TMTC4: variants seen among roughly 807,000 people sequenced by gnomAD.
TMTC4 encodes transmembrane O-mannosyltransferase targeting cadherins 4, also known as protein O-mannosyl-transferase TMTC4.
TMTC4 carries 65 observed loss-of-function variants against 86.0 expected under a neutral mutation model. The observed-to-expected ratio is 0.76, with a 90% CI of 0.62 to 0.93. The LOEUF is 0.93. Among genes scored for constraint, TMTC4 ranks in the 40% least tolerant of loss-of-function variants. The probability of loss-of-function intolerance (pLI) is 0.00; values close to 1 mark genes in which losing one functional copy is unlikely to be tolerated. For synonymous variants in TMTC4, 379 were observed against 382.5 expected (o/e 0.99, Z 0.11); for missense variants, 866 against 948.1 (o/e 0.91, Z 1.14).
chr13:100,655,057 T>G (rs895396116), intron 6 of TMTC4, among the ~76,000 whole-genome samples: 1 of 143,274 alleles, frequency 7.0e-6, no homozygotes, highest in South Asian at 2.2e-4. Context: ...AGTGTCACTC[T>G]GTCACCCAGG....
rs1276404402 is a variant in TMTC4 at position 100,625,531 on chromosome 13, T to G, written c.1836+4A>C. 6.2e-7 allele frequency: 1 copy of G among 1,613,648 alleles called. No individual in the cohort carries two copies. The highest frequency in any genetic ancestry group is 8.5e-7 in the Non-Finnish European group (1 of 1,180,060). On this transcript the variant is annotated splice_donor_region_variant and intron_variant, in intron 15 of 18. Coordinates refer to ENST00000342624, the MANE Select transcript of TMTC4 (RefSeq NM_032813.5). The stretch of plus-strand genomic sequence containing the variant: ...TCCACAGGCACAGGGCACCCCGCGC[T>G]TACCAGACGCCCGAGGTTGTAGTAA...
chr13:100,669,129 T>G (rs1886756937), intron 2 of TMTC4, among the ~76,000 whole-genome samples: 1 of 151,438 alleles, frequency 6.6e-6, no homozygotes, highest in Admixed American at 6.6e-5. Context: ...TTACAAAGCT[T>G]AAAAAAAAAG....
At chr13:100,657,617 T>G (rs1223601040) in intron 5 of TMTC4, among the ~76,000 whole-genome samples, 2 of 152,210 alleles carry the variant, frequency 1.3e-5, no homozygotes, top group Non-Finnish European at 2.9e-5. Flanking sequence ...GAATGTGACA[T>G]GAACCAAAGC....
intron 17 of TMTC4, among the ~76,000 whole-genome samples, chr13:100,608,439 C>T (rs976936243): frequency 2.0e-5 from 3 of 152,154 alleles, no homozygotes; most frequent in Non-Finnish European, 4.4e-5. Flanking sequence ...TCAAGATTTC[C>T]AAGCCAGGGC....
chr13:100,611,517 G>A (rs566176342), intron 17 of TMTC4, among the ~76,000 whole-genome samples: 4 of 152,246 alleles, frequency 2.6e-5, no homozygotes, highest in Admixed American at 6.5e-5. Flanking sequence ...CCCGGGAGGC[G>A]GAGCTTGCAG....
chr13:100,631,438 TCA>T (rs1433860880), intron 12 of TMTC4, among the ~76,000 whole-genome samples: 2 of 152,242 alleles, frequency 1.3e-5, no homozygotes, highest in African/African-American at 4.8e-5. Context: ...TAGAATTGTA[TCA>T]CAGAGTTGAT....
At chr13:100,623,571 T>C (rs918290235) in intron 15 of TMTC4, among the ~76,000 whole-genome samples, 4 of 151,974 alleles carry the variant, frequency 2.6e-5, no homozygotes, top group Non-Finnish European at 2.9e-5. Flanking sequence ...TATAGAGCCC[T>C]TGATTCCCTA....
intron 16 of TMTC4, among the ~76,000 whole-genome samples, chr13:100,613,515 C>T (rs1003309768): frequency 2.0e-5 from 3 of 151,994 alleles, no homozygotes; most frequent in African/African-American, 7.2e-5. Context: ...GAGGGGGCTC[C>T]TTTGAGTGAA....
At chr13:100,660,657 A>ATTT (rs35020533) in intron 5 of TMTC4, among the ~76,000 whole-genome samples, 4,337 of 139,982 alleles carry the variant, frequency 0.031, 102 homozygotes, top group Non-Finnish European at 0.047. Context: ...TTAAAGCTGG[A>ATTT]TTTTTTTTTT....
chr13:100,643,423 C>T (rs1032492238), intron 6 of TMTC4, among the ~76,000 whole-genome samples: 1 of 152,180 alleles, frequency 6.6e-6, no homozygotes, highest in Non-Finnish European at 1.5e-5. Context: ...TCACCTATAA[C>T]GTGGGGGCAA....
intron 15 of TMTC4, among the ~76,000 whole-genome samples, chr13:100,618,100 G>T (rs560542876): frequency 6.6e-6 from 1 of 152,234 alleles, no homozygotes; most frequent in South Asian, 2.1e-4. Flanking sequence ...TATGGCTCTT[G>T]TAAATGGGAT....
chr13:100,675,063 C>A (rs1035282308), upstream of TMTC4: 2 of 985,650 alleles, frequency 2.0e-6, no homozygotes, highest in Non-Finnish European at 1.2e-6. Context: ...CAGGGACAGA[C>A]GGACCCGGCG....
intron 7 of TMTC4, among the ~76,000 whole-genome samples, chr13:100,641,481 CTTTCTTTTTTTT>C (rs1882999040): frequency 6.6e-6 from 1 of 151,494 alleles, no homozygotes; most frequent in Non-Finnish European, 1.5e-5. Flanking sequence ...TCTTTTCCTT[CTTTCTTTTTTTT>C]TTTCTTTTTT....
At chr13:100,669,545 T>C (rs1038248161) in intron 2 of TMTC4, among the ~76,000 whole-genome samples, 56 of 152,318 alleles carry the variant, frequency 3.7e-4, no homozygotes, top group African/African-American at 1.3e-3. Context: ...ATATATCCTA[T>C]TTTGAACTTT....
At chr13:100,643,869 T>C (rs760707339) in intron 6 of TMTC4, among the ~76,000 whole-genome samples, 2 of 152,168 alleles carry the variant, frequency 1.3e-5, no homozygotes, top group Non-Finnish European at 2.9e-5. Context: ...TCAGCCACTG[T>C]GCCACAAAAT....
intron 12 of TMTC4, among the ~76,000 whole-genome samples, chr13:100,630,070 T>C (rs960845100): frequency 9.9e-5 from 15 of 150,872 alleles, no homozygotes; most frequent in Non-Finnish European, 4.4e-5. Context: ...TGTGTGTATG[T>C]GTGTGTGTGT....
At chr13:100,674,169 C>G in intron 1 of TMTC4, 1 of 972,862 alleles carries the variant, frequency 1.0e-6, no homozygotes, top group Non-Finnish European at 1.2e-6. Flanking sequence ...TCGGTGGCCC[C>G]GGGCGCCCGG....
At chr13:100,636,761 C>T (rs767668772) in intron 9 of TMTC4, 27 bp from the exon 10 acceptor site, 11 of 1,611,414 alleles carry the variant, frequency 6.8e-6, no homozygotes, top group Non-Finnish European at 7.6e-6. Context: ...GAACAAACAT[C>T]TATTTGATAC....
At chr13:100,644,073 T>C (rs932167599) in intron 6 of TMTC4, among the ~76,000 whole-genome samples, 3 of 151,688 alleles carry the variant, frequency 2.0e-5, no homozygotes. Flanking sequence ...AGCCAGTGCG[T>C]TCTGGCCTGG....
Sources: allele counts gnomAD v4.1 joint callset (sites outside exome capture counted in the v4.1 genomes callset), GRCh38; gene constraint gnomAD v4.1.1; transcripts MANE v1.5; gene names NCBI Gene and HGNC (gene_info 2026-07-23, HGNC 2026-07-21).